The following EYS variants were observed in gnomAD, a reference collection of about 807,000 sequenced individuals.
EYS encodes the protein protein eyes shut homolog.
EYS carries 250 observed loss-of-function variants against 282.1 expected under a neutral mutation model. The observed-to-expected ratio is 0.89, with a 90% CI of 0.80 to 0.98. The LOEUF is 0.98. Among genes scored for constraint, EYS ranks in the 50% least tolerant of loss-of-function variants. The pLI, the probability that EYS is intolerant of heterozygous loss-of-function variation, is 0.00. For missense variants in EYS, 4,016 were observed against 3,709.0 expected (o/e 1.08, Z -2.15); for synonymous variants, 1,355 against 1,282.9 (o/e 1.06, Z -1.20).
intron 24 of EYS, among the ~76,000 whole-genome samples, chr6:64,600,455 C>A (rs1386670416): frequency 2.6e-5 from 4 of 151,988 alleles, no homozygotes; most frequent in South Asian, 2.1e-4. Flanking sequence ...AATCAAATAT[C>A]AAATGTTAAG....
At chr6:64,350,565 T>A (rs1336103339) in intron 29 of EYS, among the ~76,000 whole-genome samples, 2 of 151,556 alleles carry the variant, frequency 1.3e-5, no homozygotes, top group Non-Finnish European at 3.0e-5. Flanking sequence ...ATGTCACACA[T>A]CTGCCTACAC....
chr6:65,660,705 G>A (rs1439033381), intron 1 of EYS, among the ~76,000 whole-genome samples: 1 of 151,740 alleles, frequency 6.6e-6, no homozygotes, highest in Admixed American at 6.6e-5. Context: ...ACAGACATAT[G>A]CAATGCTTAC....
chr6:65,142,479 A>AACACACACACAC (rs71268364), intron 12 of EYS, among the ~76,000 whole-genome samples: 1,629 of 134,946 alleles, frequency 0.012, 15 homozygotes, highest in African/African-American at 0.014. Context: ...AGAAATACAA[A>AACACACACACAC]ACACACACAC....
chr6:65,426,541 A>G (rs1767671934), intron 5 of EYS, among the ~76,000 whole-genome samples: 1 of 152,136 alleles, frequency 6.6e-6, no homozygotes, highest in African/African-American at 2.4e-5. Context: ...CTGATCCTAT[A>G]TTCTTTGGAG....
intron 1 of EYS, among the ~76,000 whole-genome samples, chr6:65,677,134 A>C (rs962052259): frequency 6.8e-6 from 1 of 147,986 alleles, no homozygotes; most frequent in South Asian, 2.1e-4. Context: ...AAAAGAAAGA[A>C]AGCTTTTCTG....
At chr6:65,282,663 T>TAA (rs1323714879) in intron 12 of EYS, among the ~76,000 whole-genome samples, 3 of 151,928 alleles carry the variant, frequency 2.0e-5, no homozygotes, top group East Asian at 3.9e-4. Context: ...AGATAATACA[T>TAA]TTTTACTGTC....
chr6:63,812,089 C>T (rs950537209), intron 36 of EYS, among the ~76,000 whole-genome samples: 1 of 152,176 alleles, frequency 6.6e-6, no homozygotes, highest in Non-Finnish European at 1.5e-5. Context: ...AATTGAGTGT[C>T]AAAGTTTCTC....
At chr6:64,414,585 G>A (rs1474634885) in intron 28 of EYS, among the ~76,000 whole-genome samples, 1 of 151,982 alleles carries the variant, frequency 6.6e-6, no homozygotes, top group Non-Finnish European at 1.5e-5. Flanking sequence ...CTCATGAAGA[G>A]TTAAAAAAAG....
chr6:64,647,536 A>T (rs1768399065), intron 22 of EYS, among the ~76,000 whole-genome samples: 1 of 152,202 alleles, frequency 6.6e-6, no homozygotes. Flanking sequence ...TATATGTATA[A>T]ATCACTACAA....
At chr6:64,419,548 G>A (rs949011084) in intron 28 of EYS, among the ~76,000 whole-genome samples, 2 of 152,178 alleles carry the variant, frequency 1.3e-5, no homozygotes, top group African/African-American at 4.8e-5. Context: ...AAAATCAAAA[G>A]AAAGTTAGTT....
intron 26 of EYS, among the ~76,000 whole-genome samples, chr6:64,543,721 A>G (rs553647626): frequency 6.6e-6 from 1 of 152,274 alleles, no homozygotes; most frequent in African/African-American, 2.4e-5. Context: ...CTTACACACT[A>G]GTTATTGAAC....
At chr6:64,552,674 G>T (rs544703708) in intron 26 of EYS, among the ~76,000 whole-genome samples, 7 of 152,070 alleles carry the variant, frequency 4.6e-5, no homozygotes, top group Non-Finnish European at 8.8e-5. Context: ...CAGGACTTTG[G>T]GAGGCCGAAG....
At chr6:64,796,859 TG>T (rs1279498885) in intron 22 of EYS, among the ~76,000 whole-genome samples, 7 of 152,170 alleles carry the variant, frequency 4.6e-5, no homozygotes, top group African/African-American at 1.7e-4. Flanking sequence ...AACATATTAC[TG>T]AAGTTCAATT....
intron 5 of EYS, among the ~76,000 whole-genome samples, chr6:65,429,928 T>A (rs905139492): frequency 2.0e-5 from 3 of 152,200 alleles, no homozygotes; most frequent in Non-Finnish European, 4.4e-5. Context: ...CGCCAAGCAG[T>A]GTTCCAATAC....
chr6:64,165,380 T>C, intron 31 of EYS, among the ~76,000 whole-genome samples: 1 of 152,176 alleles, frequency 6.6e-6, no homozygotes, highest in African/African-American at 2.4e-5. Flanking sequence ...TTTGAATAAG[T>C]TTAATGTATT....
At chr6:64,073,280 TATG>T (rs1771655073) in intron 32 of EYS, among the ~76,000 whole-genome samples, 1 of 151,806 alleles carries the variant, frequency 6.6e-6, no homozygotes, top group Admixed American at 6.6e-5. Context: ...GCAAATAACA[TATG>T]ATGGTAGGTG....
chr6:64,989,582 T>C (rs964812367), intron 14 of EYS, among the ~76,000 whole-genome samples: 4 of 140,134 alleles, frequency 2.9e-5, no homozygotes, highest in Non-Finnish European at 6.2e-5. Flanking sequence ...ATGTAATGTA[T>C]AAAAATTATA....
intron 35 of EYS, among the ~76,000 whole-genome samples, chr6:63,940,100 T>C (rs1056174930): frequency 1.8e-4 from 28 of 152,196 alleles, no homozygotes; most frequent in African/African-American, 6.5e-4. Context: ...TCTCCTGTGG[T>C]TCTTGCATAT....
chr6:64,070,203 T>C (rs939939625), intron 32 of EYS, among the ~76,000 whole-genome samples: 8 of 152,282 alleles, frequency 5.3e-5, no homozygotes, highest in Middle Eastern at 3.4e-3. Context: ...TTCACGTCCT[T>C]GTTACATTAA....
Sources: gnomAD v4.1 joint callset for allele counts (sites outside exome capture counted in the v4.1 genomes callset) on GRCh38, gnomAD v4.1.1 for gene constraint, MANE v1.5 for transcripts, NCBI Gene and HGNC (gene_info 2026-07-23, HGNC 2026-07-21) for gene names.